RIT2: variants seen among roughly 807,000 people sequenced by gnomAD.
RIT2 encodes the protein Ras like without CAAX 2.
Under a neutral mutation model 23.7 loss-of-function variants are expected in RIT2, and 24 were observed. That is an observed-to-expected ratio of 1.01 (90% CI 0.73 to 1.43). The LOEUF is 1.43. Among genes scored for constraint, RIT2 ranks in the 40% most tolerant of loss-of-function variants. The pLI is 0.00. For synonymous variants in RIT2, 107 were observed against 91.1 expected, an observed-to-expected ratio of 1.17 and a Z score of -0.99; for missense variants, 236 against 266.9, an observed-to-expected ratio of 0.88 and a Z score of 0.81.
intron 1 of RIT2, among the ~76,000 whole-genome samples, chr18:43,045,766 A>G (rs200526052): frequency 6.6e-6 from 1 of 152,010 alleles, no homozygotes; most frequent in East Asian, 1.9e-4. Context: ...TGTGCCTTGT[A>G]TCATGAATGT....
chr18:42,776,857 CATT>C (rs1405018459), intron 4 of RIT2, among the ~76,000 whole-genome samples: 1 of 152,052 alleles, frequency 6.6e-6, no homozygotes, highest in Non-Finnish European at 1.5e-5. Flanking sequence ...AGGGAAATAA[CATT>C]ATCAGAGTTA....
intron 1 of RIT2, among the ~76,000 whole-genome samples, chr18:43,052,678 C>T (rs1474282806): frequency 6.6e-6 from 1 of 152,058 alleles, no homozygotes; most frequent in Non-Finnish European, 1.5e-5. Context: ...TCTCTTTCTT[C>T]TCTATTTAAA....
At chr18:43,013,796 C>CA in intron 2 of RIT2, among the ~76,000 whole-genome samples, 1 of 151,740 alleles carries the variant, frequency 6.6e-6, no homozygotes, top group Admixed American at 6.6e-5. Context: ...TGTGTAAAGA[C>CA]AAAAGGAAAA....
intron 4 of RIT2, among the ~76,000 whole-genome samples, chr18:42,866,790 G>A (rs1907482913): frequency 6.6e-6 from 1 of 152,008 alleles, no homozygotes; most frequent in Non-Finnish European, 1.5e-5. Context: ...GCTCAGTTCA[G>A]TATGAAATCA....
rs540572693 is a variant in RIT2 at position 42,862,745 on chromosome 18, G to A, written c.426+60827C>T. Among the ~76,000 whole-genome samples, 54 of 152,102 alleles carry A rather than the reference G, an allele frequency of 3.6e-4. 1 individual carries two copies. The highest frequency in any genetic ancestry group is 6.0e-4 in the Non-Finnish European group (41 of 68,030). On this transcript the variant is annotated intron_variant, in intron 4 of 4. Coordinates refer to ENST00000326695, the MANE Select transcript of RIT2 (RefSeq NM_002930.4). The stretch of plus-strand genomic sequence containing the variant: ...CACTTCACAACTCAACATACAAACT[G>A]CCTGAACTGAAATACGTGTTGGTTA...
At chr18:43,108,928 C>G (rs1441270148) in intron 1 of RIT2, among the ~76,000 whole-genome samples, 1 of 152,126 alleles carries the variant, frequency 6.6e-6, no homozygotes, top group Non-Finnish European at 1.5e-5. Context: ...GTTAGGATAA[C>G]GCATGGCCAC....
chr18:42,765,885 G>A (rs1426878687), intron 4 of RIT2, among the ~76,000 whole-genome samples: 2 of 152,046 alleles, frequency 1.3e-5, no homozygotes, highest in African/African-American at 4.8e-5. Context: ...TTGTGATAGT[G>A]AATAAGTCTC....
At chr18:42,943,458 G>A (rs1386801486) in intron 3 of RIT2, among the ~76,000 whole-genome samples, 5 of 152,046 alleles carry the variant, frequency 3.3e-5, no homozygotes, top group Non-Finnish European at 4.4e-5. Flanking sequence ...AGGAGGTACT[G>A]CTGACAATTT....
chr18:43,093,569 T>C (rs1382425610), intron 1 of RIT2, among the ~76,000 whole-genome samples: 1 of 152,064 alleles, frequency 6.6e-6, no homozygotes, highest in Non-Finnish European at 1.5e-5. Context: ...TTTAAGTATA[T>C]GATAAGGGAA....
intron 4 of RIT2, among the ~76,000 whole-genome samples, chr18:42,878,950 TA>T (rs1280801169): frequency 6.6e-6 from 1 of 151,912 alleles, no homozygotes; most frequent in Non-Finnish European, 1.5e-5. Flanking sequence ...CTCCACTACT[TA>T]AAAAATCTTC....
chr18:43,046,861 T>G (rs1031728636), intron 1 of RIT2, among the ~76,000 whole-genome samples: 2 of 152,198 alleles, frequency 1.3e-5, no homozygotes, highest in African/African-American at 4.8e-5. Context: ...AAAACAAAAC[T>G]TCAGTTTTAA....
Position 42,858,655 on chromosome 18 carries a change from T to C in RIT2, c.426+64917A>G, listed in dbSNP as rs538614295. Among the ~76,000 whole-genome samples the C allele has an allele frequency of 2.0e-5, 3 of 152,322 alleles. No homozygotes were observed. The South Asian group carries it at 6.2e-4, about 32-fold the overall frequency. On this transcript the variant is annotated intron_variant, in intron 4 of 4. Transcript: ENST00000326695. ...CTCAACACTATGTAATTTTAGAACA[T>C]CATTATCGCATTCAAAAGAAACTTC...
chr18:42,981,678 T>C (rs10438957), intron 2 of RIT2, among the ~76,000 whole-genome samples: 1 of 151,684 alleles, frequency 6.6e-6, no homozygotes, highest in East Asian at 1.9e-4. Context: ...AAATTAAAAA[T>C]ATTAAAAATA....
chr18:43,073,538 T>A (rs1196226736), intron 1 of RIT2, among the ~76,000 whole-genome samples: 5 of 152,226 alleles, frequency 3.3e-5, no homozygotes, highest in African/African-American at 1.2e-4. Context: ...TGTCTTCATA[T>A]AACTAAGGCC....
chr18:43,110,155 A>T (rs894720209), intron 1 of RIT2, among the ~76,000 whole-genome samples: 5 of 152,066 alleles, frequency 3.3e-5, no homozygotes, highest in Non-Finnish European at 1.5e-5. Context: ...GCAAAATATG[A>T]TCATTATGAA....
At chr18:42,932,638 T>C (rs1331054551) in intron 3 of RIT2, among the ~76,000 whole-genome samples, 2 of 152,140 alleles carry the variant, frequency 1.3e-5, no homozygotes, top group Non-Finnish European at 1.5e-5. Context: ...TTCTAGGGAA[T>C]CGAGAATTTA....
intron 1 of RIT2, among the ~76,000 whole-genome samples, chr18:43,048,284 T>C (rs1912295650): frequency 6.6e-6 from 1 of 152,198 alleles, no homozygotes; most frequent in African/African-American, 2.4e-5. Context: ...AAGTGTAGCA[T>C]GTATTCATTA....
At chr18:42,939,719 C>G (rs1909548129) in intron 3 of RIT2, among the ~76,000 whole-genome samples, 1 of 151,924 alleles carries the variant, frequency 6.6e-6, no homozygotes, top group Non-Finnish European at 1.5e-5. Context: ...GTATTTATAT[C>G]TAAAACCTGG....
At chr18:42,925,634 A>G (rs1201250700) in intron 3 of RIT2, among the ~76,000 whole-genome samples, 1 of 151,914 alleles carries the variant, frequency 6.6e-6, no homozygotes, top group Non-Finnish European at 1.5e-5. Flanking sequence ...TACAAATATT[A>G]GCAAAATATT....
Sources: gnomAD v4.1 joint callset for allele counts (sites outside exome capture counted in the v4.1 genomes callset) on GRCh38, gnomAD v4.1.1 for gene constraint, MANE v1.5 for transcripts, NCBI Gene and HGNC (gene_info 2026-07-23, HGNC 2026-07-21) for gene names.